DPP9: variants seen among roughly 807,000 people sequenced by gnomAD.
The protein encoded by DPP9 is dipeptidyl peptidase IV-related protein-2.
Under a neutral mutation model 110.7 loss-of-function variants are expected in DPP9, and 50 were observed. The ratio of observed to expected loss-of-function variants is 0.45; its 90% CI spans 0.36 to 0.57. The LOEUF is 0.57. Ranked by LOEUF, DPP9 falls within the 20% of genes least tolerant of loss-of-function variation. The pLI is 0.00. For synonymous variants in DPP9, 561 were observed against 514.4 expected, an observed-to-expected ratio of 1.09 and a Z score of -1.23; for missense variants, 1,022 against 1,217.9, an observed-to-expected ratio of 0.84 and a Z score of 2.39.
chr19:4,705,146 A>G (rs2092516307), intron 5 of DPP9, among the ~76,000 whole-genome samples: 1 of 152,210 alleles, frequency 6.6e-6, no homozygotes, highest in South Asian at 2.1e-4. Context: ...TCACGATCTC[A>G]GCCACTGTTA....
intron 8 of DPP9, among the ~76,000 whole-genome samples, 157 bp from the exon 9 acceptor site, chr19:4,702,312 C>T (rs959877556): frequency 6.6e-6 from 1 of 152,206 alleles, no homozygotes; most frequent in African/African-American, 2.4e-5. Flanking sequence ...TTATGCCAGT[C>T]CCAACTCTCT....
At chr19:4,708,734 G>T (rs895178901) in intron 4 of DPP9, among the ~76,000 whole-genome samples, 3 of 152,194 alleles carry the variant, frequency 2.0e-5, no homozygotes, top group African/African-American at 7.2e-5. Context: ...GGAGTTAAAT[G>T]ATGAGAACAC....
chr19:4,713,950 G>T, intron 4 of DPP9, 131 bp downstream of exon 4: 1 of 1,363,706 alleles, frequency 7.3e-7, no homozygotes, highest in Non-Finnish European at 9.7e-7. Flanking sequence ...AGCCTCGAAG[G>T]ACAGCATGCC....
In DPP9 at chr19:4,690,891, C is replaced by G; in HGVS notation, c.1583G>C (p.Arg528Thr). The G allele has an allele frequency of 6.2e-7, 1 of 1,612,966 alleles. No homozygotes were observed. Among genetic ancestry groups the G allele is most frequent in the East Asian group, 2.2e-5 (1 of 44,864 alleles). Residue 528 changes from arginine (R) to threonine (T), a missense_variant, in exon 14 of 22, where the codon AGG becomes ACG. Transcript: ENST00000262960. ...AGACCCTGGTACCTTGGAGCCGTGC[C>G]TCGCCAAAACCTCCCATTCACCGCT... Reference protein sequence around the residue: ...LTSGEWEVLARHGSKIWVNEE... With the variant: ...LTSGEWEVLATHGSKIWVNEE...
At position 4,676,471 on chromosome 19, in the gene DPP9, TG is replaced by T; in HGVS notation, c.*92del. 1 of 1,136,196 alleles carries T rather than the reference TG, an allele frequency of 8.8e-7. No individual in the cohort carries two copies. Among genetic ancestry groups the T allele is most frequent in the Non-Finnish European group, 1.3e-6 (1 of 774,446 alleles). 70.4% of individuals were successfully genotyped at this position (1,136,196 alleles called of 1,614,324 possible). A position where few individuals can be genotyped will look rare whatever the true frequency, so the allele number is the denominator to read the frequency against. On this transcript the variant is annotated 3_prime_UTR_variant, in exon 22 of 22. Transcript: ENST00000262960. The surrounding 1 kb of genome is among the most constrained non-coding windows in gnomAD (Gnocchi z 4.0). Reference sequence around the variant, plus strand: ...CGCTGGGCGGGACAAAGTGCCTCACTGGGGCCCGCGGGCCACTCAGTCCCTC... The same window carrying T: ...CGCTGGGCGGGACAAAGTGCCTCACTGGGCCCGCGGGCCACTCAGTCCCTC...
rs1004137782 is a variant in DPP9, at chr19:4,710,101, C to G, written c.313+3980G>C. On this transcript the variant is annotated intron_variant, in intron 4 of 21. Transcript: ENST00000262960. The surrounding 1 kb of genome is among the most constrained non-coding windows in gnomAD (Gnocchi z 5.6). ...TCTGCTGCCCCATCCCTCCTCGGACCTCCCTCACCAGCTCTGCCCCTGCAA... is the reference window on the plus strand; with the variant it reads ...TCTGCTGCCCCATCCCTCCTCGGACGTCCCTCACCAGCTCTGCCCCTGCAA... 1.3e-5 allele frequency among the ~76,000 whole-genome samples: 2 copies of G among 152,218 alleles called. No homozygotes were observed. Among genetic ancestry groups the G allele is most frequent in the African/African-American group, 2.4e-5 (1 of 41,466 alleles).
Position 4,676,156 on chromosome 19 carries a change from A to C in DPP9, c.*408T>G. The C allele has an allele frequency of 2.6e-5, 5 of 190,278 alleles. No individual in the cohort carries two copies. The highest frequency in any genetic ancestry group is 4.3e-5 in the Non-Finnish European group (4 of 92,110). 11.8% of individuals were successfully genotyped at this position (190,278 alleles called of 1,614,324 possible). On this transcript the variant is annotated 3_prime_UTR_variant, in exon 22 of 22. Transcript: ENST00000262960. This position sits in a 1 kb window ranked among gnomAD's most constrained non-coding sequence, Gnocchi z 4.0. ...GGAGGCTGGCCGGGGGGGACAGGCA[A>C]TTGCATGCTTGGGTGCTGGGGACGG...
intron 2 of DPP9, among the ~76,000 whole-genome samples, chr19:4,721,012 T>C (rs371760570): frequency 1.3e-5 from 2 of 152,278 alleles, no homozygotes; most frequent in South Asian, 4.1e-4. Context: ...ACGCAGTCTC[T>C]TGGGGATCCA....
At chr19:4,681,156 T>C (rs888435965) in intron 20 of DPP9, among the ~76,000 whole-genome samples, 4 of 152,068 alleles carry the variant, frequency 2.6e-5, no homozygotes, top group Admixed American at 6.6e-5. Flanking sequence ...TATAAACCCA[T>C]TGAGACAGAG....
chr19:4,681,326 T>C (rs1181279043), intron 20 of DPP9, among the ~76,000 whole-genome samples: 1 of 152,140 alleles, frequency 6.6e-6, no homozygotes, highest in Non-Finnish European at 1.5e-5. Flanking sequence ...AATAAATTAT[T>C]ATTTTTTGAG....
intron 21 of DPP9, among the ~76,000 whole-genome samples, chr19:4,677,840 TG>T (rs1390795099): frequency 1.3e-5 from 2 of 152,232 alleles, no homozygotes; most frequent in Non-Finnish European, 2.9e-5. Flanking sequence ...AGGGTCTGTC[TG>T]GCTCCCCAAT....
chr19:4,696,664 G>A (rs1170806256), intron 11 of DPP9, among the ~76,000 whole-genome samples: 3 of 151,888 alleles, frequency 2.0e-5, no homozygotes, highest in Non-Finnish European at 2.9e-5. Context: ...CAGGAGAATT[G>A]CTTGAACCTG....
At chr19:4,722,877 C>T (rs899095046) in intron 1 of DPP9, 4 of 296,840 alleles carry the variant, frequency 1.3e-5, no homozygotes, top group African/African-American at 6.6e-5. Flanking sequence ...TCCTGGGGCC[C>T]CTGGGGAAGA....
chr19:4,694,505 T>C lies in DPP9; in HGVS notation c.1516+156A>G. The C allele has an allele frequency of 2.2e-6, 2 of 926,994 alleles. No homozygotes were observed. The highest frequency in any genetic ancestry group is 3.2e-6 in the Non-Finnish European group (2 of 628,016). The allele number at this position is 926,994 out of a possible 1,614,324, so 57.4% of individuals were successfully genotyped here. ...GGGTGCTCTAAGCCCTGCCAGATCA[T>C]GCAGTCACTGGGGAAGGCTGGCTTC... On this transcript the variant is annotated intron_variant, in intron 13 of 21. Transcript: ENST00000262960. The surrounding 1 kb of genome is among the most constrained non-coding windows in gnomAD (Gnocchi z 4.0).
Position 4,694,304 on chromosome 19 carries a change from C to T in DPP9, c.1516+357G>A. ...TGCTGCTGCAGCACAAAAGCGACCA[C>T]AGACAGTCTCTGTAAACAAGTGGCT... On this transcript the variant is annotated intron_variant, in intron 13 of 21. Transcript: ENST00000262960. This position sits in a 1 kb window ranked among gnomAD's most constrained non-coding sequence, Gnocchi z 4.0. 1 of 431,480 alleles carries T rather than the reference C, an allele frequency of 2.3e-6. No homozygotes were observed. Among genetic ancestry groups the T allele is most frequent in the South Asian group, 5.3e-5 (1 of 18,956 alleles). 26.7% of individuals were successfully genotyped at this position (431,480 alleles called of 1,614,324 possible).
chr19:4,716,403 C>G (rs542008228), intron 3 of DPP9, among the ~76,000 whole-genome samples: 8 of 152,174 alleles, frequency 5.3e-5, no homozygotes, highest in Non-Finnish European at 1.0e-4. Context: ...TTCGGGAGGC[C>G]AAGGCAGGAG....
rs1046324093 is a variant in DPP9 at position 4,682,176 on chromosome 19, G to A, written c.2474+520C>T. Among the ~76,000 whole-genome samples the A allele has an allele frequency of 6.6e-6, 1 of 152,252 alleles. No homozygotes were observed. The highest frequency in any genetic ancestry group is 2.4e-5 in the African/African-American group (1 of 41,548). ...GCCCAGGCAGATTTTTAACCCCCTA[G>A]GTGACTGCATGGGATTCCGGGGAAC... On this transcript the variant is annotated intron_variant, in intron 20 of 21. Transcript: ENST00000262960. The surrounding 1 kb of genome is among the most constrained non-coding windows in gnomAD (Gnocchi z 7.1).
rs540296598 is a variant in DPP9, at chr19:4,690,638, G to A, written c.1596+240C>T. Among the ~76,000 whole-genome samples the A allele has an allele frequency of 5.9e-5, 9 of 152,322 alleles. No individual in the cohort carries two copies. The South Asian group carries it at 1.0e-3, about 18-fold the overall frequency. ...GGATAAAGCACGTGAATGGCACAAC[G>A]TTCAAGATGAGACGGGGAGGTGATG... On this transcript the variant is annotated intron_variant, in intron 14 of 21. Coordinates refer to ENST00000262960, the MANE Select transcript of DPP9 (RefSeq NM_139159.5).
rs1374507410 is a variant in DPP9, at chr19:4,714,255, C to T, written c.139G>A (p.Asp47Asn). ...TADRGDAAAT[D>N]DPAARFQVQK... is the part of the protein sequence containing the mutation. ...ACCTGGAAGCGGGCGGCCGGGTCAT[C>T]TGTGGCGGCTGCGTCGCCTCGGTCG... is the stretch of plus-strand genomic sequence containing the variant. Residue 47 changes from aspartate (D) to asparagine (N), a missense_variant, in exon 4 of 22, where the codon GAT becomes AAT. Coordinates refer to ENST00000262960, the MANE Select transcript of DPP9 (RefSeq NM_139159.5). 2 of 1,578,992 alleles carry T rather than the reference C, an allele frequency of 1.3e-6. No individual in the cohort carries two copies. Among genetic ancestry groups the T allele is most frequent in the Admixed American group, 3.6e-5 (2 of 55,680 alleles).
Sources: gnomAD v4.1 joint callset for allele counts (sites outside exome capture counted in the v4.1 genomes callset) on GRCh38, gnomAD v4.1.1 for gene constraint, Gnocchi (gnomAD v3.1) non-coding constraint, MANE v1.5 for transcripts, NCBI Gene and HGNC (gene_info 2026-07-23, HGNC 2026-07-21) for gene names.